The following AGAP1 variants were observed in gnomAD, a reference collection of about 807,000 sequenced individuals.
The protein encoded by AGAP1 is arf-GAP with GTPase, ANK repeat and PH domain-containing protein 1.
In AGAP1, 29 loss-of-function variants were observed where a neutral mutation model predicts 105.3. That is an observed-to-expected ratio of 0.28 (90% CI 0.21 to 0.38). AGAP1 has a LOEUF of 0.38. Ranked by LOEUF, AGAP1 falls within the 10% of genes least tolerant of loss-of-function variation. AGAP1 has a pLI of 1.00. For synonymous variants in AGAP1, 509 were observed against 485.9 expected, an observed-to-expected ratio of 1.05 and a Z score of -0.63; for missense variants, 998 against 1,165.1, an observed-to-expected ratio of 0.86 and a Z score of 2.09.
At chr2:235,713,221 C>T (rs1575203320) in intron 2 of AGAP1, among the ~76,000 whole-genome samples, 1 of 152,156 alleles carries the variant, frequency 6.6e-6, no homozygotes, top group East Asian at 1.9e-4. Context: ...CTGTGGCATA[C>T]TGTTTTGGAT....
Position 235,789,379 on chromosome 2 carries a change from TAGG to T in AGAP1, c.674-8377_674-8375del, listed in dbSNP as rs1956840564. ...GTCGGCATTTAAATCCCCCGATTAATAGGAGCAATTAAACAATAGCTTCATTTC... is the reference window on the plus strand; with the variant it reads ...GTCGGCATTTAAATCCCCCGATTAATAGCAATTAAACAATAGCTTCATTTC... On this transcript the variant is annotated intron_variant, in intron 6 of 17. Transcript: ENST00000304032. This position sits in a 1 kb window ranked among gnomAD's most constrained non-coding sequence, Gnocchi z 4.2. Among the ~76,000 whole-genome samples the T allele has an allele frequency of 6.6e-6, 1 of 152,200 alleles. No individual in the cohort carries two copies. The highest frequency in any genetic ancestry group is 2.4e-5 in the African/African-American group (1 of 41,450).
chr2:235,710,516 C>T (rs1170889242), intron 2 of AGAP1, among the ~76,000 whole-genome samples: 13 of 152,172 alleles, frequency 8.5e-5, no homozygotes. Context: ...CCATTCCTCC[C>T]TGAAGGTCTC....
At chr2:235,849,655 AT>A (rs1372991362) in intron 9 of AGAP1, among the ~76,000 whole-genome samples, 3 of 47,248 alleles carry the variant, frequency 6.3e-5, no homozygotes, top group Non-Finnish European at 1.5e-4. Flanking sequence ...CTAGGCCTGG[AT>A]AAGGGTTGCC....
At chr2:235,694,546 G>T (rs1305660482) in intron 1 of AGAP1, among the ~76,000 whole-genome samples, 1 of 151,894 alleles carries the variant, frequency 6.6e-6, no homozygotes, top group Non-Finnish European at 1.5e-5. Flanking sequence ...TCCTCGGGAG[G>T]CTGAGGCAAG....
intron 16 of AGAP1, among the ~76,000 whole-genome samples, chr2:236,097,727 G>GTA (rs1440510336): frequency 6.6e-6 from 1 of 152,104 alleles, no homozygotes; most frequent in African/African-American, 2.4e-5. Flanking sequence ...GTGGTGCTCA[G>GTA]TACATTGACA....
intron 9 of AGAP1, among the ~76,000 whole-genome samples, chr2:235,841,993 C>T (rs1960908970): frequency 1.3e-5 from 2 of 152,168 alleles, no homozygotes; most frequent in Non-Finnish European, 2.9e-5. Flanking sequence ...AGAAATCTTG[C>T]CGTCACCACT....
chr2:235,624,772 G>T (rs1946587898), intron 1 of AGAP1, among the ~76,000 whole-genome samples: 1 of 152,118 alleles, frequency 6.6e-6, no homozygotes, highest in South Asian at 2.1e-4. Flanking sequence ...GGGCATGGTG[G>T]GAGGTGATTG....
At chr2:235,990,012 C>T (rs1472834477) in intron 13 of AGAP1, among the ~76,000 whole-genome samples, 1 of 152,032 alleles carries the variant, frequency 6.6e-6, no homozygotes, top group African/African-American at 2.4e-5. Context: ...CAGTGTCTCA[C>T]GGAGATTCAG....
In AGAP1 at chr2:235,962,440, C is replaced by T. The variant is rs578147990; in HGVS notation, c.1484-6022C>T. ...TGCTGCCCGGCTGTATAAGAAAAACCGTGGGATGTGAGCGGGTTGGACGTC... is the reference window on the plus strand; with the variant it reads ...TGCTGCCCGGCTGTATAAGAAAAACTGTGGGATGTGAGCGGGTTGGACGTC... On this transcript the variant is annotated intron_variant, in intron 12 of 17. Coordinates refer to ENST00000304032, the MANE Select transcript of AGAP1 (RefSeq NM_001037131.3). This position sits in a 1 kb window ranked among gnomAD's most constrained non-coding sequence, Gnocchi z 5.3. 5.3e-5 allele frequency among the ~76,000 whole-genome samples: 8 copies of T among 152,002 alleles called. No individual in the cohort carries two copies. The East Asian group carries it at 5.9e-4, about 11-fold the overall frequency.
rs79978771 is a variant in AGAP1, at chr2:235,709,423, C to G, written c.222+186C>G. 9.1e-4 allele frequency among the ~76,000 whole-genome samples: 139 copies of G among 152,240 alleles called. 2 individuals carry two copies. The East Asian group carries it at 0.022, about 24-fold the overall frequency. ...ACTAGAGTCCAAGTTCCTGAGTGCC[C>G]CTGGGACAGCTATGACAGCCATGAC... On this transcript the variant is annotated intron_variant, in intron 2 of 17. Coordinates refer to ENST00000304032, the MANE Select transcript of AGAP1 (RefSeq NM_001037131.3).
At position 236,080,138 on chromosome 2, in the gene AGAP1, G is replaced by T. The variant is rs978985301; in HGVS notation, c.2114+30857G>T. 1.3e-5 allele frequency among the ~76,000 whole-genome samples: 2 copies of T among 152,152 alleles called. No individual in the cohort carries two copies. Among genetic ancestry groups the T allele is most frequent in the Non-Finnish European group, 2.9e-5 (2 of 68,030 alleles). ...CTTAGGAACCAAATCTTCTACAGTG[G>T]GCACAAAGCACATTTGCCCTGTGCT... On this transcript the variant is annotated intron_variant, in intron 16 of 17. Coordinates refer to ENST00000304032, the MANE Select transcript of AGAP1 (RefSeq NM_001037131.3). The surrounding 1 kb of genome is among the most constrained non-coding windows in gnomAD (Gnocchi z 4.2).
At chr2:235,668,056 T>TCAGA (rs1948187659) in intron 1 of AGAP1, among the ~76,000 whole-genome samples, 1 of 148,820 alleles carries the variant, frequency 6.7e-6, no homozygotes, top group Non-Finnish European at 1.5e-5. Flanking sequence ...GAGGATGTAA[T>TCAGA]CAGAGGTACC....
chr2:235,605,202 T>C (rs964965693), intron 1 of AGAP1, among the ~76,000 whole-genome samples: 2 of 152,240 alleles, frequency 1.3e-5, no homozygotes, highest in African/African-American at 4.8e-5. Context: ...ACAGATAACA[T>C]TTAATAGTAA....
intron 1 of AGAP1, among the ~76,000 whole-genome samples, chr2:235,540,398 C>CT (rs1212109410): frequency 1.3e-5 from 2 of 152,182 alleles, no homozygotes; most frequent in South Asian, 4.1e-4. Context: ...GGTGATCCAA[C>CT]TGCCTCGGCC....
intron 1 of AGAP1, among the ~76,000 whole-genome samples, chr2:235,671,247 T>G (rs2149360849): frequency 6.6e-6 from 1 of 152,322 alleles, no homozygotes; most frequent in African/African-American, 2.4e-5. Flanking sequence ...CCCCTGCGCC[T>G]GGCTGTGCGT....
intron 1 of AGAP1, among the ~76,000 whole-genome samples, chr2:235,707,438 G>A (rs1950588770): frequency 7.2e-6 from 1 of 138,340 alleles, no homozygotes; most frequent in Non-Finnish European, 1.5e-5. Context: ...AGGGCCCGTG[G>A]CATCTGGTTT....
In AGAP1 at chr2:236,035,583, C is replaced by T. The variant is rs1217078711; in HGVS notation, c.1646-978C>T. Among the ~76,000 whole-genome samples, 2 of 152,186 alleles carry T rather than the reference C, an allele frequency of 1.3e-5. No homozygotes were observed. The highest frequency in any genetic ancestry group is 2.9e-5 in the Non-Finnish European group (2 of 68,042). ...AAGATATAATGAGCTGTGATTGCACCATGGCACTCCAGCTTGGACAACAAA... is the reference window on the plus strand; with the variant it reads ...AAGATATAATGAGCTGTGATTGCACTATGGCACTCCAGCTTGGACAACAAA... On this transcript the variant is annotated intron_variant, in intron 13 of 17. Transcript: ENST00000304032. This position sits in a 1 kb window ranked among gnomAD's most constrained non-coding sequence, Gnocchi z 4.2.
chr2:235,592,058 C>T lies in AGAP1; in HGVS notation c.163+97209C>T, dbSNP rs145771768. Among the ~76,000 whole-genome samples, 212 of 152,290 alleles carry T rather than the reference C, an allele frequency of 1.4e-3. 7 individuals are homozygous for T. In the East Asian group the frequency reaches 0.033, roughly 24 times the overall value. On this transcript the variant is annotated intron_variant, in intron 1 of 17. Transcript: ENST00000304032. ...CCCAGCCTCAGGCATTCCTTTATAG[C>T]AACGCAAGAACAGACTCACACAGTC...
intron 1 of AGAP1, among the ~76,000 whole-genome samples, chr2:235,511,870 G>GTATGTGGA (rs1387348301): frequency 1.2e-3 from 178 of 149,898 alleles, no homozygotes; most frequent in Middle Eastern, 3.4e-3. Flanking sequence ...GAATGTGTGT[G>GTATGTGGA]TGTATGTGAA....
Sources: allele counts gnomAD v4.1 joint callset (sites outside exome capture counted in the v4.1 genomes callset), GRCh38; gene constraint gnomAD v4.1.1; non-coding constraint Gnocchi (gnomAD v3.1); transcripts MANE v1.5; gene names NCBI Gene and HGNC (gene_info 2026-07-23, HGNC 2026-07-21).